SLCO3A1: variants seen among roughly 807,000 people sequenced by gnomAD.
SLCO3A1 encodes solute carrier organic anion transporter family member 3A1, also known as PGE1 transporter.
SLCO3A1 carries 27 observed loss-of-function variants against 63.1 expected under a neutral mutation model. That is an observed-to-expected ratio of 0.43 (90% CI 0.32 to 0.59). SLCO3A1 has a LOEUF of 0.59. Ranked by LOEUF, SLCO3A1 falls within the 20% of genes least tolerant of loss-of-function variation. The pLI is 0.09. For missense variants in SLCO3A1, 773 were observed against 945.8 expected, an observed-to-expected ratio of 0.82 and a Z score of 2.40; for synonymous variants, 473 against 409.9, an observed-to-expected ratio of 1.15 and a Z score of -1.86.
At chr15:92,045,264 A>T (rs1221398903) in intron 2 of SLCO3A1, among the ~76,000 whole-genome samples, 1 of 134,684 alleles carries the variant, frequency 7.4e-6, no homozygotes, top group African/African-American at 2.9e-5. Flanking sequence ...TGGGTGACAG[A>T]GCAAGACTCC....
At chr15:91,957,123 A>AG (rs1201720820) in intron 2 of SLCO3A1, among the ~76,000 whole-genome samples, 5 of 36,278 alleles carry the variant, frequency 1.4e-4, no homozygotes, top group Admixed American at 5.7e-4. Context: ...TATAATATAT[A>AG]TAATATATAT....
At chr15:91,896,496 C>T (rs1432136174) in intron 1 of SLCO3A1, among the ~76,000 whole-genome samples, 1 of 152,110 alleles carries the variant, frequency 6.6e-6, no homozygotes, top group Non-Finnish European at 1.5e-5. Flanking sequence ...GGGAGGGACC[C>T]AGTGGGAGGT....
chr15:92,122,055 C>T (rs368325687), intron 5 of SLCO3A1, among the ~76,000 whole-genome samples: 7 of 151,916 alleles, frequency 4.6e-5, no homozygotes, highest in East Asian at 3.9e-4. Context: ...GTGTTGGAGT[C>T]GAGGGAGGGA....
chr15:92,167,216 A>T (rs927432226), downstream of SLCO3A1, among the ~76,000 whole-genome samples: 7 of 152,220 alleles, frequency 4.6e-5, no homozygotes, highest in Admixed American at 3.9e-4. Context: ...GGAGAACCAC[A>T]TATCTGGCCA....
intron 1 of SLCO3A1, among the ~76,000 whole-genome samples, chr15:91,866,520 G>A (rs1897167816): frequency 6.6e-6 from 1 of 150,792 alleles, no homozygotes; most frequent in African/African-American, 2.4e-5. Context: ...TGGTTTTTTT[G>A]GTGGGGGTAG....
intron 2 of SLCO3A1, among the ~76,000 whole-genome samples, chr15:92,012,949 G>A (rs2046385409): frequency 6.6e-6 from 1 of 152,178 alleles, no homozygotes; most frequent in African/African-American, 2.4e-5. Flanking sequence ...TGCGGTAGCA[G>A]GTTATGGATC....
chr15:92,053,201 T>A (rs1392356178), intron 2 of SLCO3A1, among the ~76,000 whole-genome samples: 1 of 152,162 alleles, frequency 6.6e-6, no homozygotes, highest in Non-Finnish European at 1.5e-5. Context: ...CTCCTGGGGT[T>A]ACAGTTTGAT....
intron 2 of SLCO3A1, among the ~76,000 whole-genome samples, chr15:91,949,518 T>A (rs1011241891): frequency 1.3e-5 from 2 of 152,138 alleles, no homozygotes; most frequent in African/African-American, 2.4e-5. Context: ...TAATCCTAGC[T>A]ACTCCGGAGG....
intron 2 of SLCO3A1, among the ~76,000 whole-genome samples, chr15:92,032,366 T>C (rs1275586346): frequency 5.3e-5 from 8 of 151,702 alleles, no homozygotes; most frequent in East Asian, 1.9e-4. Flanking sequence ...TCAAGGAAAA[T>C]GAGGACTTCA....
chr15:92,057,813 G>C (rs1218726349), intron 2 of SLCO3A1, among the ~76,000 whole-genome samples: 1 of 152,190 alleles, frequency 6.6e-6, no homozygotes, highest in Non-Finnish European at 1.5e-5. Context: ...AGAAGGGAGA[G>C]GGGCCTTGCC....
chr15:92,052,796 TTTTATA>T (rs1367070723), intron 2 of SLCO3A1, among the ~76,000 whole-genome samples: 2 of 150,636 alleles, frequency 1.3e-5, no homozygotes, highest in Admixed American at 6.8e-5. Context: ...CATAAGTACA[TTTTATA>T]TTTATATAAA....
Position 91,886,284 on chromosome 15 carries a change from C to G in SLCO3A1, c.181-29709C>G, listed in dbSNP as rs141874444. On this transcript the variant is annotated intron_variant, in intron 1 of 9. Coordinates refer to ENST00000318445, the MANE Select transcript of SLCO3A1 (RefSeq NM_013272.4). The surrounding 1 kb of genome is among the most constrained non-coding windows in gnomAD (Gnocchi z 4.9). ...TCTTTTTCTCACCAGCTAACTCTTA[C>G]TAATTAGAAATTGACAACAGCGCTT... Among the ~76,000 whole-genome samples the G allele has an allele frequency of 5.3e-3, 802 of 152,314 alleles. 2 individuals carry two copies. The highest frequency in any genetic ancestry group is 0.01 in the Middle Eastern group (3 of 294).
intron 2 of SLCO3A1, among the ~76,000 whole-genome samples, chr15:92,064,970 A>G (rs2047131663): frequency 6.6e-6 from 1 of 152,250 alleles, no homozygotes. Flanking sequence ...AGGTGACTGT[A>G]GTTAATAATT....
intron 7 of SLCO3A1, among the ~76,000 whole-genome samples, chr15:92,129,373 C>T (rs1209284329): frequency 6.6e-6 from 1 of 152,186 alleles, no homozygotes; most frequent in Non-Finnish European, 1.5e-5. Context: ...CCCCATACAA[C>T]CTGTCTTTTC....
rs142804307 is a variant in SLCO3A1 at position 91,885,942 on chromosome 15, G to A, written c.181-30051G>A. ...TTGAAATATGCTTGATGTGGTCGGG[G>A]AGTGGAAAGACCAGTGTGTCTCTAG... On this transcript the variant is annotated intron_variant, in intron 1 of 9. Transcript: ENST00000318445. This position sits in a 1 kb window ranked among gnomAD's most constrained non-coding sequence, Gnocchi z 4.7. Among the ~76,000 whole-genome samples the A allele has an allele frequency of 6.6e-6, 1 of 152,298 alleles. No homozygotes were observed. The highest frequency in any genetic ancestry group is 2.1e-4 in the South Asian group (1 of 4,826).
chr15:92,019,947 TGTATCAAA>T (rs1180011706), intron 2 of SLCO3A1, among the ~76,000 whole-genome samples: 1 of 152,094 alleles, frequency 6.6e-6, no homozygotes, highest in African/African-American at 2.4e-5. Context: ...CAGTGAGGAC[TGTATCAAA>T]GCCCAAGGCT....
chr15:92,113,020 G>C (rs889664787), intron 4 of SLCO3A1, among the ~76,000 whole-genome samples: 2 of 152,168 alleles, frequency 1.3e-5, no homozygotes, highest in African/African-American at 4.8e-5. Context: ...TTAGGGGCTG[G>C]CCTGGAGTAG....
chr15:91,972,648 C>T (rs1454092841), intron 2 of SLCO3A1, among the ~76,000 whole-genome samples: 10 of 152,168 alleles, frequency 6.6e-5, no homozygotes, highest in East Asian at 1.9e-4. Context: ...GCTGACCGAT[C>T]GATCTTCAGT....
intron 7 of SLCO3A1, among the ~76,000 whole-genome samples, chr15:92,140,370 C>G (rs2151580286): frequency 6.8e-6 from 1 of 146,100 alleles, no homozygotes; most frequent in East Asian, 2.0e-4. Context: ...TGTTCTTTTA[C>G]ATTTGCTGAG....
Sources: allele counts gnomAD v4.1 joint callset (sites outside exome capture counted in the v4.1 genomes callset), GRCh38; gene constraint gnomAD v4.1.1; non-coding constraint Gnocchi (gnomAD v3.1); transcripts MANE v1.5; gene names NCBI Gene and HGNC (gene_info 2026-07-23, HGNC 2026-07-21).